The following GALNT13 variants were observed in gnomAD, a reference collection of about 807,000 sequenced individuals.
The protein encoded by GALNT13 is UDP-GalNAc:polypeptide N-acetylgalactosaminyltransferase 13.
A neutral mutation model predicts 64.2 loss-of-function variants in GALNT13; 28 were observed. That is an observed-to-expected ratio of 0.44 (90% CI 0.32 to 0.60). The LOEUF (loss-of-function observed/expected upper bound fraction) is 0.60, where lower values mean the gene tolerates loss of function less well. Ranked by LOEUF, GALNT13 falls within the 20% of genes least tolerant of loss-of-function variation. The probability of loss-of-function intolerance (pLI) is 0.05; values close to 1 mark genes in which losing one functional copy is unlikely to be tolerated. For synonymous variants in GALNT13, 214 were observed against 224.6 expected (o/e 0.95, Z 0.42); for missense variants, 577 against 669.8 (o/e 0.86, Z 1.53).
chr2:153,931,677 C>A (rs549962770), intron 2 of GALNT13, among the ~76,000 whole-genome samples: 2 of 152,094 alleles, frequency 1.3e-5, no homozygotes, highest in Admixed American at 6.6e-5. Context: ...GTTGAACCAA[C>A]CTTGCATCCT....
the GALNT13 span, among the ~76,000 whole-genome samples, chr2:153,652,164 C>G: frequency 6.6e-6 from 1 of 152,088 alleles, no homozygotes. Context: ...TAAAGTTTGA[C>G]TAATTACATT....
the GALNT13 span, among the ~76,000 whole-genome samples, chr2:153,864,476 GT>G: frequency 1.3e-5 from 2 of 152,092 alleles, no homozygotes; most frequent in Non-Finnish European, 1.5e-5. Flanking sequence ...TGTGTTGTTG[GT>G]GTATAAGAAT....
intron 3 of GALNT13, among the ~76,000 whole-genome samples, chr2:154,099,955 A>G (rs1047344727): frequency 6.6e-5 from 10 of 152,010 alleles, no homozygotes; most frequent in African/African-American, 2.4e-4. Flanking sequence ...AGCACCATTA[A>G]TTGAGAAGGG....
chr2:153,248,676 C>T, the GALNT13 span, among the ~76,000 whole-genome samples: 1 of 151,570 alleles, frequency 6.6e-6, no homozygotes, highest in Non-Finnish European at 1.5e-5. Context: ...ATTAGCTGGG[C>T]GTGGTGGTGG....
rs975075732 is a variant in GALNT13, at chr2:154,031,622, C to T, written c.142+86983C>T. 3.3e-5 allele frequency among the ~76,000 whole-genome samples: 5 copies of T among 151,838 alleles called. No individual in the cohort carries two copies. The South Asian group carries it at 1.0e-3, about 31-fold the overall frequency. On this transcript the variant is annotated intron_variant, in intron 3 of 12. Transcript: ENST00000392825. ...GAATTGCTATATTAATATCATTAGA[C>T]TTTAAATAACATATATTAACAAGGT...
chr2:153,164,797 A>G, the GALNT13 span, among the ~76,000 whole-genome samples: 1 of 152,196 alleles, frequency 6.6e-6, no homozygotes, highest in African/African-American at 2.4e-5. Context: ...ATCTTGCATA[A>G]TAGGACTTTG....
chr2:153,682,322 G>T, the GALNT13 span, among the ~76,000 whole-genome samples: 1 of 151,414 alleles, frequency 6.6e-6, no homozygotes, highest in African/African-American at 2.4e-5. Context: ...CTGTAATATC[G>T]TAGTCGTATT....
chr2:154,245,015 A>T (rs570971064), intron 6 of GALNT13, among the ~76,000 whole-genome samples: 27 of 151,942 alleles, frequency 1.8e-4, no homozygotes, highest in Non-Finnish European at 3.5e-4. Context: ...CTGAGGCAGG[A>T]GAATTGCTTG....
the GALNT13 span, among the ~76,000 whole-genome samples, chr2:153,501,192 G>T: frequency 2.0e-5 from 3 of 152,152 alleles, no homozygotes; most frequent in African/African-American, 7.2e-5. Flanking sequence ...TAGCCAAAAT[G>T]ATGACTCAAA....
the GALNT13 span, among the ~76,000 whole-genome samples, chr2:153,832,770 C>A: frequency 6.6e-6 from 1 of 152,074 alleles, no homozygotes; most frequent in Non-Finnish European, 1.5e-5. Context: ...ATAGACAAAC[C>A]TTTCCTGTAA....
the GALNT13 span, among the ~76,000 whole-genome samples, chr2:153,079,735 T>C: frequency 1.3e-5 from 2 of 152,212 alleles, no homozygotes; most frequent in Non-Finnish European, 2.9e-5. Context: ...GGTCATTTGG[T>C]ACCTGAGACT....
At chr2:154,277,185 G>A (rs1208771984) in intron 8 of GALNT13, among the ~76,000 whole-genome samples, 2 of 152,088 alleles carry the variant, frequency 1.3e-5, no homozygotes, top group Non-Finnish European at 2.9e-5. Flanking sequence ...GATTTAAATG[G>A]CAGGATTAAT....
At chr2:153,666,512 C>T in the GALNT13 span, among the ~76,000 whole-genome samples, 2 of 152,180 alleles carry the variant, frequency 1.3e-5, no homozygotes, top group African/African-American at 4.8e-5. Context: ...TCCAGCACAG[C>T]AGGTGCTTAA....
chr2:153,960,323 G>T (rs568634276), intron 3 of GALNT13, among the ~76,000 whole-genome samples: 4 of 152,334 alleles, frequency 2.6e-5, no homozygotes, highest in African/African-American at 9.6e-5. Context: ...ATGCAGGGCA[G>T]GAGAGCCCCA....
At chr2:153,703,993 A>G in the GALNT13 span, among the ~76,000 whole-genome samples, 7 of 152,234 alleles carry the variant, frequency 4.6e-5, no homozygotes, top group Non-Finnish European at 7.4e-5. Context: ...CCTCAGTCCT[A>G]TAGAATACTC....
chr2:153,599,686 C>T, the GALNT13 span, among the ~76,000 whole-genome samples: 3 of 151,916 alleles, frequency 2.0e-5, no homozygotes, highest in South Asian at 2.1e-4. Flanking sequence ...CAAGAGACAC[C>T]TGGATATAAT....
chr2:154,148,627 G>A (rs1232919774), intron 4 of GALNT13, among the ~76,000 whole-genome samples: 2 of 152,096 alleles, frequency 1.3e-5, no homozygotes, highest in African/African-American at 4.8e-5. Context: ...TCTAACTGGT[G>A]TGAGATGGTA....
At chr2:153,671,626 T>A in the GALNT13 span, among the ~76,000 whole-genome samples, 1,361 of 152,260 alleles carry the variant, frequency 8.9e-3, 21 homozygotes, top group African/African-American at 0.031. Flanking sequence ...ATTGACACTA[T>A]GAAGAAACTG....
chr2:154,029,722 G>A (rs556948837), intron 3 of GALNT13, among the ~76,000 whole-genome samples: 40 of 152,164 alleles, frequency 2.6e-4, no homozygotes, highest in Non-Finnish European at 4.9e-4. Context: ...TTTTATAAAA[G>A]CAAAGATATG....
Sources: gnomAD v4.1 joint callset for allele counts (sites outside exome capture counted in the v4.1 genomes callset) on GRCh38, gnomAD v4.1.1 for gene constraint, MANE v1.5 for transcripts, NCBI Gene and HGNC (gene_info 2026-07-23, HGNC 2026-07-21) for gene names.